The following HHAT variants were observed in gnomAD, a reference collection of about 807,000 sequenced individuals.
HHAT encodes the protein hedgehog acyltransferase.
In HHAT, 47 loss-of-function variants were observed where a neutral mutation model predicts 70.8. The ratio of observed to expected loss-of-function variants is 0.66; its 90% CI spans 0.53 to 0.85. The LOEUF (loss-of-function observed/expected upper bound fraction) is 0.85, where lower values mean the gene tolerates loss of function less well. HHAT is among the 40% of genes least tolerant of loss of function. The pLI is 0.00. For synonymous variants in HHAT, 228 were observed against 247.6 expected (o/e 0.92, Z 0.74); for missense variants, 609 against 604.8 (o/e 1.01, Z -0.07).
At chr1:210,459,382 T>G (rs915021445) in intron 7 of HHAT, among the ~76,000 whole-genome samples, 1 of 152,170 alleles carries the variant, frequency 6.6e-6, no homozygotes, top group Non-Finnish European at 1.5e-5. Flanking sequence ...GAAATGCTTA[T>G]CAAACATCAA....
intron 8 of HHAT, among the ~76,000 whole-genome samples, chr1:210,496,080 T>C (rs901893843): frequency 7.2e-5 from 9 of 124,292 alleles, no homozygotes; most frequent in Non-Finnish European, 1.5e-4. Context: ...TTAGAAAGAG[T>C]AAAGTTTTTT....
intron 7 of HHAT, among the ~76,000 whole-genome samples, chr1:210,432,429 C>T (rs931253220): frequency 3.3e-5 from 5 of 151,772 alleles, no homozygotes; most frequent in African/African-American, 1.2e-4. Flanking sequence ...AAAGAGGCTG[C>T]GTAAGAGGGG....
intron 8 of HHAT, among the ~76,000 whole-genome samples, chr1:210,500,537 C>T (rs1387544157): frequency 6.6e-6 from 1 of 152,058 alleles, no homozygotes; most frequent in Non-Finnish European, 1.5e-5. Flanking sequence ...ATGCTGAATC[C>T]GCTGTCTGTA....
chr1:210,343,048 G>T (rs1445715196), intron 1 of HHAT, among the ~76,000 whole-genome samples: 1 of 152,108 alleles, frequency 6.6e-6, no homozygotes, highest in African/African-American at 2.4e-5. Context: ...TGAGTAAACA[G>T]CAAACTGTTT....
intron 6 of HHAT, among the ~76,000 whole-genome samples, chr1:210,416,660 C>T (rs1409663692): frequency 2.0e-5 from 3 of 152,110 alleles, no homozygotes; most frequent in Admixed American, 1.3e-4. Flanking sequence ...TTGAGTATGC[C>T]CTCAGTAGCT....
chr1:210,594,782 T>G (rs1195999703), intron 10 of HHAT, among the ~76,000 whole-genome samples: 1 of 152,220 alleles, frequency 6.6e-6, no homozygotes, highest in Non-Finnish European at 1.5e-5. Context: ...TTATTTCTCC[T>G]TCGTGTTTGA....
At chr1:210,371,905 C>T (rs576691286) in intron 3 of HHAT, among the ~76,000 whole-genome samples, 3 of 152,332 alleles carry the variant, frequency 2.0e-5, no homozygotes, top group Admixed American at 1.3e-4. Context: ...AAGATGAAGA[C>T]ATTCCCACTG....
At chr1:210,672,825 A>G (rs1198554563) in intron 11 of HHAT, among the ~76,000 whole-genome samples, 1 of 152,214 alleles carries the variant, frequency 6.6e-6, no homozygotes, top group Non-Finnish European at 1.5e-5. Context: ...AAAAGCTTTC[A>G]GTTTTGAAAG....
intron 9 of HHAT, among the ~76,000 whole-genome samples, chr1:210,537,376 C>T (rs761273739): frequency 2.0e-5 from 3 of 152,168 alleles, no homozygotes; most frequent in Non-Finnish European, 2.9e-5. Flanking sequence ...TGTACAAATA[C>T]AGTGTCATTG....
chr1:210,652,383 G>A (rs966734849), intron 11 of HHAT, among the ~76,000 whole-genome samples: 3 of 152,196 alleles, frequency 2.0e-5, no homozygotes, highest in African/African-American at 7.2e-5. Context: ...TAAGGAAGTT[G>A]GTTTTGATTT....
chr1:210,628,943 C>G (rs987573419), intron 11 of HHAT, among the ~76,000 whole-genome samples: 2 of 152,226 alleles, frequency 1.3e-5, no homozygotes, highest in African/African-American at 4.8e-5. Flanking sequence ...GCCATCCTTT[C>G]TGATGACTTT....
intron 9 of HHAT, among the ~76,000 whole-genome samples, chr1:210,551,455 T>C (rs2095527158): frequency 7.5e-6 from 1 of 132,646 alleles, no homozygotes; most frequent in Admixed American, 9.0e-5. Flanking sequence ...GTTTTTTAAA[T>C]TGTGTTTCTG....
At chr1:210,395,861 A>AT (rs1275705830) in intron 4 of HHAT, among the ~76,000 whole-genome samples, 2 of 152,170 alleles carry the variant, frequency 1.3e-5, no homozygotes, top group African/African-American at 4.8e-5. Flanking sequence ...CTATCCATCC[A>AT]TGCAACTATT....
chr1:210,446,608 C>T (rs568854723), intron 7 of HHAT, among the ~76,000 whole-genome samples: 77 of 152,296 alleles, frequency 5.1e-4, no homozygotes, highest in African/African-American at 1.3e-3. Flanking sequence ...ACCCTTGCCC[C>T]GGCCTCTGTG....
chr1:210,446,157 C>A (rs1035665737), intron 7 of HHAT, among the ~76,000 whole-genome samples: 1 of 152,118 alleles, frequency 6.6e-6, no homozygotes, highest in East Asian at 1.9e-4. Flanking sequence ...ACTCTGGCCT[C>A]GTCCCCAGCC....
At chr1:210,417,249 T>G (rs1402488318) in intron 6 of HHAT, among the ~76,000 whole-genome samples, 1 of 152,206 alleles carries the variant, frequency 6.6e-6, no homozygotes, top group African/African-American at 2.4e-5. Flanking sequence ...TTTGTTTTGT[T>G]TTTTAGACAG....
chr1:210,372,300 G>GA (rs2089638059), intron 3 of HHAT, among the ~76,000 whole-genome samples: 1 of 152,186 alleles, frequency 6.6e-6, no homozygotes, highest in South Asian at 2.1e-4. Flanking sequence ...AGACTCTCTG[G>GA]AATAGGTGGA....
chr1:210,512,980 T>G (rs1378366805), intron 8 of HHAT, among the ~76,000 whole-genome samples, 173 bp from the exon 9 acceptor site: 1 of 152,196 alleles, frequency 6.6e-6, no homozygotes, highest in Non-Finnish European at 1.5e-5. Context: ...GAAGCTGCGA[T>G]TCCAACAAGT....
At chr1:210,418,377 A>G in intron 7 of HHAT, 52 bp downstream of exon 7, 1 of 1,501,848 alleles carries the variant, frequency 6.7e-7, no homozygotes, top group Admixed American at 2.1e-5. Flanking sequence ...TCCAACAGTT[A>G]GCATCAGAAT....
Sources: allele counts gnomAD v4.1 joint callset (sites outside exome capture counted in the v4.1 genomes callset), GRCh38; gene constraint gnomAD v4.1.1; transcripts MANE v1.5; gene names NCBI Gene and HGNC (gene_info 2026-07-23, HGNC 2026-07-21).